FLRT2: variants seen among roughly 807,000 people sequenced by gnomAD.
FLRT2 encodes fibronectin leucine rich transmembrane protein 2.
Under a neutral mutation model 40.0 loss-of-function variants are expected in FLRT2, and 15 were observed. The observed-to-expected ratio is 0.38, with a 90% CI of 0.25 to 0.58. The LOEUF (loss-of-function observed/expected upper bound fraction) is 0.58, where lower values mean the gene tolerates loss of function less well. FLRT2 is among the 20% of genes least tolerant of loss of function. The pLI, the probability that FLRT2 is intolerant of heterozygous loss-of-function variation, is 0.71. For synonymous variants in FLRT2, 380 were observed against 336.8 expected (o/e 1.13, Z -1.41); for missense variants, 726 against 840.0 (o/e 0.86, Z 1.68).
At chr14:85,553,683 G>A (rs1889782359) in intron 1 of FLRT2, among the ~76,000 whole-genome samples, 2 of 152,088 alleles carry the variant, frequency 1.3e-5, no homozygotes, top group Non-Finnish European at 2.9e-5. Flanking sequence ...GAAGGAAAGG[G>A]TGAGGACGGA....
chr14:85,585,423 T>A (rs1891572456), intron 1 of FLRT2, among the ~76,000 whole-genome samples: 1 of 152,220 alleles, frequency 6.6e-6, no homozygotes, highest in South Asian at 2.1e-4. Flanking sequence ...CAGTGTTCAG[T>A]TATACTGATA....
chr14:85,609,686 C>A (rs1232898270), intron 1 of FLRT2, among the ~76,000 whole-genome samples: 4 of 152,166 alleles, frequency 2.6e-5, no homozygotes, highest in Admixed American at 6.5e-5. Flanking sequence ...CACCTGCACG[C>A]CTTAAATGGG....
At chr14:85,592,808 G>T (rs75240348) in intron 1 of FLRT2, among the ~76,000 whole-genome samples, 1 of 129,326 alleles carries the variant, frequency 7.7e-6, no homozygotes, top group Non-Finnish European at 1.7e-5. Context: ...AAAAAAAAAA[G>T]AAAAAAAAGA....
chr14:85,632,685 A>G lies in FLRT2; in HGVS notation c.*9188A>G, dbSNP rs1357084160. ...CATATCCCATATAAAAATACAGCAT[A>G]TATCATTTAAAGGTTCACATTGTGT... is the stretch of plus-strand genomic sequence containing the variant. On this transcript the variant is annotated 3_prime_UTR_variant, in exon 2 of 2. Coordinates refer to ENST00000330753, the MANE Select transcript of FLRT2 (RefSeq NM_013231.6). 2 of 152,164 alleles carry G rather than the reference A, an allele frequency of 1.3e-5. No individual in the cohort carries two copies. Among genetic ancestry groups the G allele is most frequent in the Non-Finnish European group, 1.5e-5 (1 of 68,034 alleles). The allele number at this position is 152,164 out of a possible 1,614,324, so 9.4% of individuals were successfully genotyped here.
rs1016421559 is a variant in FLRT2 at position 85,640,947 on chromosome 14, T to C, written c.*17450T>C. On this transcript the variant is annotated 3_prime_UTR_variant, in exon 2 of 2. Coordinates refer to ENST00000330753, the MANE Select transcript of FLRT2 (RefSeq NM_013231.6). ...TTTCTTCCCCGTGACCTTGGGCAAG[T>C]TGCTTAAACTGTAGCCATAATTTCC... The C allele has an allele frequency of 6.6e-6, 1 of 152,218 alleles. No homozygotes were observed. The highest frequency in any genetic ancestry group is 2.4e-5 in the African/African-American group (1 of 41,470). 9.4% of individuals were successfully genotyped at this position (152,218 alleles called of 1,614,324 possible). A position where few individuals can be genotyped will look rare whatever the true frequency, so the allele number is the denominator to read the frequency against.
rs1237242531 is a variant in FLRT2, at chr14:85,625,212, A to G, written c.*1715A>G. On this transcript the variant is annotated 3_prime_UTR_variant, in exon 2 of 2. Transcript: ENST00000330753. The stretch of plus-strand genomic sequence containing the variant: ...TGGAAAAAATATCTTTCGAAAATCA[A>G]ATTTAAACATTTCACTCTGTGCTGC... 1 of 166,998 alleles carries G rather than the reference A, an allele frequency of 6.0e-6. No homozygotes were observed. The highest frequency in any genetic ancestry group is 1.5e-5 in the Non-Finnish European group (1 of 68,102). The allele number at this position is 166,998 out of a possible 1,614,324, so 10.3% of individuals were successfully genotyped here.
intron 1 of FLRT2, among the ~76,000 whole-genome samples, chr14:85,541,119 CT>C (rs1566717102): frequency 6.6e-6 from 1 of 152,062 alleles, no homozygotes; most frequent in Non-Finnish European, 1.5e-5. Context: ...TGGTGATTTT[CT>C]TTTTCCAAAT....
intron 1 of FLRT2, among the ~76,000 whole-genome samples, chr14:85,592,877 T>C (rs34434306): frequency 0.021 from 3,232 of 151,772 alleles, 59 homozygotes; most frequent in South Asian, 0.081. Flanking sequence ...CAGAGTATAA[T>C]GGAATATTTG....
chr14:85,615,624 C>T (rs902932993), intron 1 of FLRT2, among the ~76,000 whole-genome samples: 7 of 82,078 alleles, frequency 8.5e-5, no homozygotes, highest in South Asian at 3.0e-4. Context: ...TTTCAGGCTA[C>T]GGGGTGGCTA....
rs1893931804 is a variant in FLRT2, at chr14:85,633,532, C to G, written c.*10035C>G. 6.6e-6 allele frequency: 1 copy of G among 151,962 alleles called. No individual in the cohort carries two copies. The highest frequency in any genetic ancestry group is 2.1e-4 in the South Asian group (1 of 4,816). The allele number at this position is 151,962 out of a possible 1,614,324, so 9.4% of individuals were successfully genotyped here. A position where few individuals can be genotyped will look rare whatever the true frequency, so the allele number is the denominator to read the frequency against. On this transcript the variant is annotated 3_prime_UTR_variant, in exon 2 of 2. Transcript: ENST00000330753. ...AATCAAGATAAGCTGAGCACAGTGGCTCATGCCTATAATCGCAGTACTTTG... is the reference window on the plus strand; with the variant it reads ...AATCAAGATAAGCTGAGCACAGTGGGTCATGCCTATAATCGCAGTACTTTG...
At chr14:85,588,961 T>C (rs999980842) in intron 1 of FLRT2, among the ~76,000 whole-genome samples, 1 of 152,222 alleles carries the variant, frequency 6.6e-6, no homozygotes, top group African/African-American at 2.4e-5. Flanking sequence ...TCATTCTTTT[T>C]TGTGGCTGAA....
rs1278398423 is a variant in FLRT2, at chr14:85,625,448, G to T, written c.*1951G>T. 2 of 166,736 alleles carry T rather than the reference G, an allele frequency of 1.2e-5. No individual in the cohort carries two copies. Among genetic ancestry groups the T allele is most frequent in the African/African-American group, 4.8e-5 (2 of 41,366 alleles). The allele number at this position is 166,736 out of a possible 1,614,324, so 10.3% of individuals were successfully genotyped here. A position where few individuals can be genotyped will look rare whatever the true frequency, so the allele number is the denominator to read the frequency against. On this transcript the variant is annotated 3_prime_UTR_variant, in exon 2 of 2. Transcript: ENST00000330753. ...CAACTTATATGTTTTAATCTCCCTT[G>T]TCCCTCAGAATAAGCAGAAAATATA... is the stretch of plus-strand genomic sequence containing the variant.
rs369141502 is a variant in FLRT2, at chr14:85,622,380, G to A, written c.866G>A (p.Arg289Gln). ...CTGGATATATCCAACAACCAACTGC[G>A]GATGCTGACTCAAGGGGTTTTTGAT... is the stretch of plus-strand genomic sequence containing the variant. ...ERLDISNNQL[R>Q]MLTQGVFDNL... Residue 289 changes from arginine to glutamine, a missense_variant, in exon 2 of 2, where the codon CGG becomes CAG. Arg to Gln is a conservative substitution (Grantham distance 43). This residue lies in a region of FLRT2 where 611 missense variants were observed against 690.0 expected (regional missense o/e 0.89). Transcript: ENST00000330753. 1.2e-6 allele frequency: 2 copies of A among 1,614,074 alleles called. No homozygotes were observed. Among genetic ancestry groups the A allele is most frequent in the African/African-American group, 2.7e-5 (2 of 75,016 alleles).
At chr14:85,553,839 A>G (rs1364321859) in intron 1 of FLRT2, among the ~76,000 whole-genome samples, 1 of 152,202 alleles carries the variant, frequency 6.6e-6, no homozygotes, top group East Asian at 1.9e-4. Context: ...CTGTTGAAGA[A>G]ATAGCATTAA....
chr14:85,537,346 TAGG>T lies in FLRT2; in HGVS notation c.-377+6816_-377+6818del, dbSNP rs558155545. Among the ~76,000 whole-genome samples the T allele has an allele frequency of 2.1e-4, 32 of 152,292 alleles. No homozygotes were observed. In the South Asian group the frequency reaches 6.2e-3, roughly 30 times the overall value. On this transcript the variant is annotated intron_variant, in intron 1 of 1. Transcript: ENST00000330753. ...GTGGTATTTGGGGATATGGAATTTT[TAGG>T]AGGTTTTCTTTCTTTTCCCTTGGGC...
In FLRT2 at chr14:85,626,831, C is replaced by T. The variant is rs1893703471; in HGVS notation, c.*3334C>T. On this transcript the variant is annotated 3_prime_UTR_variant, in exon 2 of 2. Coordinates refer to ENST00000330753, the MANE Select transcript of FLRT2 (RefSeq NM_013231.6). Reference sequence around the variant, plus strand: ...TAAAAACAAAAAGTACGTGACCAGTCTGGTAAGAAGTATTAATGAAGTAGC... The same window carrying T: ...TAAAAACAAAAAGTACGTGACCAGTTTGGTAAGAAGTATTAATGAAGTAGC... 1 of 167,094 alleles carries T rather than the reference C, an allele frequency of 6.0e-6. No homozygotes were observed. Among genetic ancestry groups the T allele is most frequent in the South Asian group, 2.1e-4 (1 of 4,830 alleles). The allele number at this position is 167,094 out of a possible 1,614,324, so 10.4% of individuals were successfully genotyped here.
Position 85,627,135 on chromosome 14 carries a change from A to T in FLRT2, c.*3638A>T, listed in dbSNP as rs1893720597. ...CATTTTTCTCTAACCTATAACAAGG[A>T]GACATTACATTTTACTTTAGAACAT... On this transcript the variant is annotated 3_prime_UTR_variant, in exon 2 of 2. Transcript: ENST00000330753. The T allele has an allele frequency of 6.0e-6, 1 of 167,122 alleles. No individual in the cohort carries two copies. Among genetic ancestry groups the T allele is most frequent in the Non-Finnish European group, 1.5e-5 (1 of 68,138 alleles). The allele number at this position is 167,122 out of a possible 1,614,324, so 10.4% of individuals were successfully genotyped here. A position where few individuals can be genotyped will look rare whatever the true frequency, so the allele number is the denominator to read the frequency against.
chr14:85,643,378 T>TTCCTTCCTTTCCTTTCCTTTC lies in FLRT2; in HGVS notation c.*19881_*19882insTCCTTCCTTTCCTTTCCTTTC, dbSNP rs1555373585. On this transcript the variant is annotated 3_prime_UTR_variant, in exon 2 of 2. Transcript: ENST00000330753. ...TTCTTCCTTCCTTCCTTCCTTCCTTTCTTTCCTTTCTCCTTTTTCTTTTTT... is the reference window on the plus strand; with the variant it reads ...TTCTTCCTTCCTTCCTTCCTTCCTTTTCCTTCCTTTCCTTTCCTTTCCTTTCCTTTCTCCTTTTTCTTTTTT... The TTCCTTCCTTTCCTTTCCTTTC allele has an allele frequency of 4.0e-5, 4 of 99,822 alleles. No individual in the cohort carries two copies. Among genetic ancestry groups the TTCCTTCCTTTCCTTTCCTTTC allele is most frequent in the Non-Finnish European group, 6.0e-5 (3 of 50,034 alleles). 6.2% of individuals were successfully genotyped at this position (99,822 alleles called of 1,614,324 possible).
At chr14:85,576,117 A>G (rs1359144244) in intron 1 of FLRT2, among the ~76,000 whole-genome samples, 1 of 152,192 alleles carries the variant, frequency 6.6e-6, no homozygotes, top group African/African-American at 2.4e-5. Flanking sequence ...GGAGCTCACC[A>G]CGACCAAGCA....
Sources: gnomAD v4.1 joint callset for allele counts (sites outside exome capture counted in the v4.1 genomes callset) on GRCh38, gnomAD v4.1.1 for gene constraint, gnomAD v4.1.1 regional missense constraint, MANE v1.5 for transcripts, NCBI Gene and HGNC (gene_info 2026-07-23, HGNC 2026-07-21) for gene names.